Variants in PRKN observed in about 807,000 individuals in gnomAD.
The protein encoded by PRKN is E3 ubiquitin-protein ligase parkin.
PRKN carries 56 observed loss-of-function variants against 59.5 expected under a neutral mutation model. That is an observed-to-expected ratio of 0.94 (90% CI 0.76 to 1.18). The LOEUF is 1.18. PRKN is among the 50% of genes most tolerant of loss of function. PRKN has a pLI of 0.00. For synonymous variants in PRKN, 250 were observed against 222.1 expected (o/e 1.13, Z -1.12); for missense variants, 657 against 596.4 (o/e 1.10, Z -1.06).
chr6:162,174,978 C>G (rs915382647), intron 4 of PRKN, among the ~76,000 whole-genome samples: 1 of 152,334 alleles, frequency 6.6e-6, no homozygotes, highest in Non-Finnish European at 1.5e-5. Flanking sequence ...GGAAATTACA[C>G]AGCCTACCGA....
At chr6:162,527,896 T>C (rs1306198390) in intron 1 of PRKN, among the ~76,000 whole-genome samples, 1 of 151,764 alleles carries the variant, frequency 6.6e-6, no homozygotes, top group Non-Finnish European at 1.5e-5. Context: ...CAAGTGACAA[T>C]GGCTGGTTCT....
At chr6:162,409,021 T>A (rs533940209) in intron 2 of PRKN, among the ~76,000 whole-genome samples, 2 of 151,902 alleles carry the variant, frequency 1.3e-5, no homozygotes, top group South Asian at 2.1e-4. Context: ...GACACTGTTG[T>A]CTCCAACCAC....
At chr6:162,354,114 G>T (rs543524862) in intron 2 of PRKN, among the ~76,000 whole-genome samples, 18 of 152,226 alleles carry the variant, frequency 1.2e-4, no homozygotes, top group South Asian at 6.2e-4. Flanking sequence ...ATGGAAATTT[G>T]CCTCTGCAAT....
At chr6:161,770,386 C>G (rs1449433346) in intron 7 of PRKN, among the ~76,000 whole-genome samples, 3 of 151,808 alleles carry the variant, frequency 2.0e-5, no homozygotes, top group African/African-American at 4.8e-5. Context: ...AATGTGTACC[C>G]CCAAATTCAT....
At chr6:161,495,660 G>T (rs372431285) in intron 9 of PRKN, among the ~76,000 whole-genome samples, 148 of 152,358 alleles carry the variant, frequency 9.7e-4, no homozygotes, top group African/African-American at 3.0e-3. Flanking sequence ...GCCACAGACG[G>T]GAGCTTCTGT....
At chr6:161,641,757 C>T (rs574763797) in intron 7 of PRKN, among the ~76,000 whole-genome samples, 1 of 152,270 alleles carries the variant, frequency 6.6e-6, no homozygotes, top group African/African-American at 2.4e-5. Flanking sequence ...TTCACAGCCC[C>T]AGGCAAAAAG....
chr6:161,463,424 A>G lies in PRKN; in HGVS notation c.1084-76547T>C, dbSNP rs1252265853. On this transcript the variant is annotated intron_variant, in intron 9 of 11. Transcript: ENST00000366898. This position sits in a 1 kb window ranked among gnomAD's most constrained non-coding sequence, Gnocchi z 4.8. ...GTCTAAGAAGACATTAAAAATCCTG[A>G]AATTGGCCATATCATCCTGCCCCTC... Among the ~76,000 whole-genome samples the G allele has an allele frequency of 6.6e-6, 1 of 152,168 alleles. No individual in the cohort carries two copies. Among genetic ancestry groups the G allele is most frequent in the African/African-American group, 2.4e-5 (1 of 41,430 alleles).
At chr6:162,612,552 G>A (rs1374707389) in intron 1 of PRKN, among the ~76,000 whole-genome samples, 1 of 143,008 alleles carries the variant, frequency 7.0e-6, no homozygotes, top group Non-Finnish European at 1.5e-5. Context: ...AGCCGAGATC[G>A]CGCCATTGCA....
At chr6:161,635,747 G>T (rs1295643506) in intron 7 of PRKN, among the ~76,000 whole-genome samples, 2 of 152,140 alleles carry the variant, frequency 1.3e-5, no homozygotes, top group African/African-American at 4.8e-5. Flanking sequence ...AGAGTCCCAG[G>T]TAGGTGAAGA....
intron 2 of PRKN, among the ~76,000 whole-genome samples, chr6:162,375,367 G>A (rs939902442): frequency 1.3e-5 from 2 of 151,186 alleles, no homozygotes; most frequent in Admixed American, 6.6e-5. Flanking sequence ...TAGGGGTGGG[G>A]AGCGGGTAAG....
intron 4 of PRKN, among the ~76,000 whole-genome samples, chr6:162,081,158 C>T (rs894957166): frequency 4.6e-5 from 7 of 152,024 alleles, no homozygotes; most frequent in African/African-American, 9.7e-5. Context: ...GGGTTAGAAT[C>T]GACTTCTTCC....
intron 6 of PRKN, among the ~76,000 whole-genome samples, chr6:161,867,583 GTAA>G (rs1358442747): frequency 1.3e-5 from 2 of 152,114 alleles, no homozygotes; most frequent in Non-Finnish European, 2.9e-5. Flanking sequence ...AAAAAAGGTG[GTAA>G]TGATGATGTC....
chr6:161,617,268 T>G (rs1476878033), intron 7 of PRKN, among the ~76,000 whole-genome samples: 1 of 152,228 alleles, frequency 6.6e-6, no homozygotes, highest in Non-Finnish European at 1.5e-5. Flanking sequence ...TTTTTTCTTG[T>G]AAATTTGTTT....
intron 1 of PRKN, among the ~76,000 whole-genome samples, chr6:162,526,328 A>T (rs1778283226): frequency 1.3e-5 from 2 of 151,678 alleles, no homozygotes; most frequent in Non-Finnish European, 2.9e-5. Context: ...AAAAAAAAAA[A>T]AAATCAGAAA....
At chr6:162,276,683 A>C (rs1167172551) in intron 2 of PRKN, among the ~76,000 whole-genome samples, 1 of 135,512 alleles carries the variant, frequency 7.4e-6, no homozygotes, top group Non-Finnish European at 1.5e-5. Flanking sequence ...TACCTCTAAC[A>C]GAAGCTGGTG....
chr6:162,528,076 C>CGGG lies in PRKN; in HGVS notation c.8-84606_8-84604dup, dbSNP rs1253419880. 5.4e-4 allele frequency among the ~76,000 whole-genome samples: 12 copies of CGGG among 22,066 alleles called. No individual in the cohort carries two copies. The South Asian group carries it at 0.01, about 18-fold the overall frequency. The allele number at this position is 22,066 out of a possible 152,430, so 14.5% of individuals were successfully genotyped here. A position where few individuals can be genotyped will look rare whatever the true frequency, so the allele number is the denominator to read the frequency against. ...GGGAGGTCGGGGGAGGGCGGGGGGG[C>CGGG]GGGAGGGGTGCGGGGCGGCGGGTCA... On this transcript the variant is annotated intron_variant, in intron 1 of 11. Transcript: ENST00000366898.
At chr6:162,416,058 C>A (rs1163968184) in intron 2 of PRKN, among the ~76,000 whole-genome samples, 3 of 152,082 alleles carry the variant, frequency 2.0e-5, no homozygotes, top group Non-Finnish European at 4.4e-5. Context: ...AGTGGCTCCA[C>A]TACTTTCCAA....
rs1779306369 is a variant in PRKN at position 161,533,707 on chromosome 6, C to G, written c.1083+15147G>C. On this transcript the variant is annotated intron_variant, in intron 9 of 11. Transcript: ENST00000366898. The surrounding 1 kb of genome is among the most constrained non-coding windows in gnomAD (Gnocchi z 4.1). Reference sequence around the variant, plus strand: ...TCTGCTGGGATCTGCCACCTTAACCCTTTTTTTCAGACATCTCTCTCTCTT... The same window carrying G: ...TCTGCTGGGATCTGCCACCTTAACCGTTTTTTTCAGACATCTCTCTCTCTT... 6.6e-6 allele frequency among the ~76,000 whole-genome samples: 1 copy of G among 152,094 alleles called. No homozygotes were observed. The highest frequency in any genetic ancestry group is 1.5e-5 in the Non-Finnish European group (1 of 68,030).
chr6:161,491,125 T>C (rs901439891), intron 9 of PRKN, among the ~76,000 whole-genome samples: 1 of 152,224 alleles, frequency 6.6e-6, no homozygotes, highest in Non-Finnish European at 1.5e-5. Context: ...ACAGATACCA[T>C]TGCCTGTGTT....
Sources: gnomAD v4.1 joint callset for allele counts (sites outside exome capture counted in the v4.1 genomes callset) on GRCh38, gnomAD v4.1.1 for gene constraint, Gnocchi (gnomAD v3.1) non-coding constraint, MANE v1.5 for transcripts, NCBI Gene and HGNC (gene_info 2026-07-23, HGNC 2026-07-21) for gene names.